The following PAX7 variants were observed in gnomAD, a reference collection of about 807,000 sequenced individuals.
The protein encoded by PAX7 is paired box protein Pax-7.
A neutral mutation model predicts 50.7 loss-of-function variants in PAX7; 18 were observed. The observed-to-expected ratio is 0.36, with a 90% confidence interval of 0.25 to 0.53. The LOEUF is 0.53. Among genes scored for constraint, PAX7 ranks in the 20% least tolerant of loss-of-function variants. The pLI is 0.93. For missense variants in PAX7, 644 were observed against 702.9 expected (o/e 0.92, Z 0.95); for synonymous variants, 310 against 290.4 (o/e 1.07, Z -0.69).
At chr1:18,723,777 G>A (rs1055859541) in intron 7 of PAX7, among the ~76,000 whole-genome samples, 1 of 152,154 alleles carries the variant, frequency 6.6e-6, no homozygotes, top group African/African-American at 2.4e-5. Context: ...CCAGGATCTT[G>A]AGGTCCTTGC....
intron 4 of PAX7, among the ~76,000 whole-genome samples, chr1:18,672,960 G>A (rs988659449): frequency 6.6e-6 from 1 of 152,114 alleles, no homozygotes; most frequent in Non-Finnish European, 1.5e-5. Context: ...AGCACAGCAC[G>A]GCGCTGATGC....
intron 6 of PAX7, among the ~76,000 whole-genome samples, chr1:18,701,391 T>C (rs922652650): frequency 2.0e-5 from 3 of 151,932 alleles, no homozygotes; most frequent in South Asian, 2.1e-4. Flanking sequence ...TGTGTGTGGG[T>C]GTGTGCATGA....
At chr1:18,643,604 C>T (rs528126941) in intron 4 of PAX7, among the ~76,000 whole-genome samples, 1 of 152,226 alleles carries the variant, frequency 6.6e-6, no homozygotes, top group African/African-American at 2.4e-5. Context: ...AGAGACAGCC[C>T]GCGGGAGAGC....
chr1:18,642,814 T>A (rs557353190), intron 4 of PAX7, among the ~76,000 whole-genome samples: 2 of 151,934 alleles, frequency 1.3e-5, no homozygotes, highest in African/African-American at 4.8e-5. Flanking sequence ...AACTTCGCCA[T>A]TAGTAGATAG....
chr1:18,699,524 C>G (rs184163859), intron 5 of PAX7, among the ~76,000 whole-genome samples: 5 of 151,920 alleles, frequency 3.3e-5, no homozygotes, highest in Admixed American at 3.3e-4. Context: ...TCCCAGGAAA[C>G]TTGCAAATCC....
chr1:18,694,476 A>ATAAATAAG, intron 5 of PAX7, among the ~76,000 whole-genome samples: 1 of 77,256 alleles, frequency 1.3e-5, no homozygotes, highest in South Asian at 4.3e-4. Flanking sequence ...AAATAAATAA[A>ATAAATAAG]TAAATAAATA....
intron 4 of PAX7, among the ~76,000 whole-genome samples, chr1:18,654,424 A>G (rs56953888): frequency 0.02 from 3,016 of 152,310 alleles, 108 homozygotes; most frequent in African/African-American, 0.069. Flanking sequence ...CTGCATGCTG[A>G]ACCCAGCTCC....
intron 7 of PAX7, among the ~76,000 whole-genome samples, chr1:18,733,215 A>T (rs1161834849): frequency 6.6e-6 from 1 of 151,946 alleles, no homozygotes; most frequent in Non-Finnish European, 1.5e-5. Context: ...AAAGCAACAA[A>T]CACAGTCCCA....
intron 4 of PAX7, among the ~76,000 whole-genome samples, chr1:18,684,263 C>T (rs1259578824): frequency 1.3e-5 from 2 of 152,182 alleles, no homozygotes; most frequent in Admixed American, 1.3e-4. Flanking sequence ...CAGTGCTGGG[C>T]CAGCTGCATG....
intron 8 of PAX7, among the ~76,000 whole-genome samples, chr1:18,737,335 C>A (rs557583991): frequency 7.9e-5 from 12 of 152,240 alleles, no homozygotes; most frequent in African/African-American, 1.2e-4. Context: ...GCCCACCCCC[C>A]CAAACCCACT....
intron 7 of PAX7, among the ~76,000 whole-genome samples, chr1:18,722,016 T>A (rs1164084651): frequency 6.6e-6 from 1 of 152,180 alleles, no homozygotes; most frequent in Non-Finnish European, 1.5e-5. Flanking sequence ...GTGCCTCCAT[T>A]TGCTCATCTA....
chr1:18,692,873 C>A (rs890275076), intron 5 of PAX7, among the ~76,000 whole-genome samples: 2 of 152,144 alleles, frequency 1.3e-5, no homozygotes, highest in African/African-American at 2.4e-5. Context: ...TCGAGGACTG[C>A]CCCGCCTGCT....
Position 18,715,253 on chromosome 1 carries a change from C to T in PAX7, c.1155+11957C>T, listed in dbSNP as rs2089403941. On this transcript the variant is annotated intron_variant, in intron 7 of 8. Coordinates refer to ENST00000420770, the MANE Select transcript of PAX7 (RefSeq NM_001135254.2). ...CCTTCCATGAAGCTTTCCTTCAGGA[C>T]ACCCCCCACACGGTGGGTTAGCTGT... Among the ~76,000 whole-genome samples the T allele has an allele frequency of 2.6e-5, 4 of 152,340 alleles. No homozygotes were observed. The South Asian group carries it at 8.3e-4, about 32-fold the overall frequency.
chr1:18,714,874 CCTT>C (rs1316410589), intron 7 of PAX7, among the ~76,000 whole-genome samples: 2 of 152,180 alleles, frequency 1.3e-5, no homozygotes, highest in Non-Finnish European at 2.9e-5. Context: ...GTGGATCTGT[CCTT>C]CTTTCTGATT....
At chr1:18,724,416 G>A (rs2089531099) in intron 7 of PAX7, among the ~76,000 whole-genome samples, 1 of 152,234 alleles carries the variant, frequency 6.6e-6, no homozygotes, top group South Asian at 2.1e-4. Context: ...AAGGCACACT[G>A]CGGGCATGGT....
intron 5 of PAX7, among the ~76,000 whole-genome samples, chr1:18,693,469 C>A (rs2089106009): frequency 2.0e-5 from 3 of 152,186 alleles, no homozygotes; most frequent in Non-Finnish European, 4.4e-5. Context: ...AAACCACGTC[C>A]TTTCCATCCA....
intron 4 of PAX7, among the ~76,000 whole-genome samples, chr1:18,661,781 A>G (rs926554981): frequency 6.6e-6 from 1 of 152,166 alleles, no homozygotes; most frequent in Non-Finnish European, 1.5e-5. Flanking sequence ...GCTCCTTATT[A>G]TGGCAATTAA....
rs768503948 is a variant in PAX7 at position 18,700,683 on chromosome 1, C to T, written c.817C>T (p.Arg273Cys). The change falls in exon 6 of 9, where the codon CGT becomes TGT. Residue 273 changes from arginine to cysteine, a missense_variant. By Grantham distance (180) the Arg-to-Cys change is radical (BLOSUM62 -3). Coordinates refer to ENST00000420770, the MANE Select transcript of PAX7 (RefSeq NM_001135254.2). This position sits in a 1 kb window ranked among gnomAD's most constrained non-coding sequence, Gnocchi z 4.8. ...GTTCAGTAACCGCCGCGCCCGTTGG[C>T]GTAAGCAGGCAGGAGCCAACCAGCT... ...VWFSNRRARWRKQAGANQLAA... is the reference protein window; with the variant it reads ...VWFSNRRARWCKQAGANQLAA... 1.9e-5 allele frequency: 30 copies of T among 1,588,010 alleles called. No individual in the cohort carries two copies. Among genetic ancestry groups the T allele is most frequent in the Non-Finnish European group, 2.6e-6 (3 of 1,168,442 alleles).
intron 4 of PAX7, among the ~76,000 whole-genome samples, chr1:18,691,274 T>C (rs2089066015): frequency 6.6e-6 from 1 of 152,182 alleles, no homozygotes; most frequent in African/African-American, 2.4e-5. Context: ...CCACCATACA[T>C]GGAGGCCTTT....
Sources: allele counts gnomAD v4.1 joint callset (sites outside exome capture counted in the v4.1 genomes callset), GRCh38; gene constraint gnomAD v4.1.1; non-coding constraint Gnocchi (gnomAD v3.1); transcripts MANE v1.5; gene names NCBI Gene and HGNC (gene_info 2026-07-23, HGNC 2026-07-21).